The following C12orf54 variants were observed in gnomAD, a reference collection of about 807,000 sequenced individuals.
The protein encoded by C12orf54 is chromosome 12 open reading frame 54.
A neutral mutation model predicts 26.4 loss-of-function variants in C12orf54; 24 were observed. The ratio of observed to expected loss-of-function variants is 0.91; its 90% confidence interval spans 0.66 to 1.28. The LOEUF (loss-of-function observed/expected upper bound fraction) is 1.28, where lower values mean the gene tolerates loss of function less well. C12orf54 is among the 50% of genes most tolerant of loss of function. The pLI, the probability that C12orf54 is intolerant of heterozygous loss-of-function variation, is 0.00. For missense variants in C12orf54, 154 were observed against 150.9 expected (o/e 1.02, Z -0.11); for synonymous variants, 54 against 47.0 (o/e 1.15, Z -0.61).
the C12orf54 span, among the ~76,000 whole-genome samples, chr12:48,434,196 G>A: frequency 6.6e-6 from 1 of 152,196 alleles, no homozygotes; most frequent in African/African-American, 2.4e-5. Context: ...AAGCAGCAAA[G>A]CGGCAGCGAG....
the C12orf54 span, among the ~76,000 whole-genome samples, chr12:48,474,361 G>C: frequency 6.6e-6 from 1 of 152,174 alleles, no homozygotes; most frequent in Non-Finnish European, 1.5e-5. Context: ...GAGGTACTGG[G>C]TTCATCTCAC....
At chr12:48,480,745 A>G (rs1954190027), upstream of C12orf54, among the ~76,000 whole-genome samples, 1 of 151,786 alleles carries the variant, frequency 6.6e-6, no homozygotes, top group Admixed American at 6.7e-5. Flanking sequence ...TAACAAAAAG[A>G]CACATGTACT....
upstream of C12orf54, among the ~76,000 whole-genome samples, chr12:48,477,677 T>A (rs1206172467): frequency 6.6e-6 from 1 of 151,846 alleles, no homozygotes; most frequent in African/African-American, 2.4e-5. Flanking sequence ...GACACATACA[T>A]CCTCCCAAGA....
At chr12:48,490,580 G>A (rs957555462) in intron 5 of C12orf54, among the ~76,000 whole-genome samples, 20 of 152,180 alleles carry the variant, frequency 1.3e-4, no homozygotes, top group African/African-American at 4.8e-4. Flanking sequence ...TTGAACTTGG[G>A]AGGTGGAAGT....
At chr12:48,487,503 A>T (rs938938669) in intron 4 of C12orf54, among the ~76,000 whole-genome samples, 2 of 152,260 alleles carry the variant, frequency 1.3e-5, no homozygotes, top group African/African-American at 4.8e-5. Context: ...AATAATCTTA[A>T]TTACAATGCT....
At chr12:48,469,322 G>C in the C12orf54 span, among the ~76,000 whole-genome samples, 1 of 152,154 alleles carries the variant, frequency 6.6e-6, no homozygotes, top group Non-Finnish European at 1.5e-5. Flanking sequence ...CCCTGGGAAT[G>C]CCTTCGTTTT....
chr12:48,477,722 C>T (rs1350912501), upstream of C12orf54, among the ~76,000 whole-genome samples: 1 of 152,094 alleles, frequency 6.6e-6, no homozygotes, highest in Non-Finnish European at 1.5e-5. Context: ...CTGACTAGAC[C>T]AATAACAGGA....
At chr12:48,447,356 T>C in the C12orf54 span, among the ~76,000 whole-genome samples, 1 of 152,066 alleles carries the variant, frequency 6.6e-6, no homozygotes, top group African/African-American at 2.4e-5. Flanking sequence ...AGCATATAGA[T>C]TTATGTTGCT....
chr12:48,437,577 G>A, the C12orf54 span, among the ~76,000 whole-genome samples: 3 of 152,136 alleles, frequency 2.0e-5, no homozygotes, highest in Non-Finnish European at 4.4e-5. Context: ...TTCATGCCTC[G>A]GATGCAAGGC....
chr12:48,458,470 A>T, the C12orf54 span, among the ~76,000 whole-genome samples: 1 of 151,950 alleles, frequency 6.6e-6, no homozygotes, highest in African/African-American at 2.4e-5. Context: ...TTTAACAACC[A>T]CCTCTCTGTT....
the C12orf54 span, chr12:48,473,235 G>A: frequency 1.0e-4 from 115 of 1,150,862 alleles, no homozygotes; most frequent in Middle Eastern, 2.7e-3. Flanking sequence ...AGATGAGGAG[G>A]ACGAGGATGA....
At chr12:48,479,177 C>T (rs868090525), upstream of C12orf54, among the ~76,000 whole-genome samples, 13 of 152,256 alleles carry the variant, frequency 8.5e-5, no homozygotes, top group Middle Eastern at 3.4e-3. Context: ...GAATACTATG[C>T]AACCATAAAA....
chr12:48,437,400 G>A, the C12orf54 span, among the ~76,000 whole-genome samples: 6 of 152,118 alleles, frequency 3.9e-5, no homozygotes, highest in Admixed American at 6.5e-5. Context: ...AACTCATTTT[G>A]TGAGGCCAGC....
the C12orf54 span, among the ~76,000 whole-genome samples, chr12:48,462,309 C>T: frequency 6.6e-6 from 1 of 151,390 alleles, no homozygotes; most frequent in East Asian, 1.9e-4. Flanking sequence ...CTAATGACTT[C>T]CACATTTAAA....
the C12orf54 span, among the ~76,000 whole-genome samples, chr12:48,433,372 G>T: frequency 6.7e-6 from 1 of 149,690 alleles, no homozygotes. Flanking sequence ...CCTCTGGTGA[G>T]AACTTATCCT....
chr12:48,447,486 T>C, the C12orf54 span, among the ~76,000 whole-genome samples: 1 of 152,214 alleles, frequency 6.6e-6, no homozygotes, highest in East Asian at 1.9e-4. Context: ...ATTATTCTGC[T>C]TCCTCAGAAG....
chr12:48,473,217 G>A, the C12orf54 span: 3 of 1,237,792 alleles, frequency 2.4e-6, no homozygotes, highest in East Asian at 2.4e-5. Flanking sequence ...AGATGCTCAG[G>A]TAATGGAAGA....
chr12:48,485,953 C>G (rs1954256132), intron 2 of C12orf54, among the ~76,000 whole-genome samples: 1 of 152,086 alleles, frequency 6.6e-6, no homozygotes, highest in African/African-American at 2.4e-5. Flanking sequence ...CTTTAGAGTT[C>G]TCAAAGGGCT....
chr12:48,452,733 TG>T, the C12orf54 span, among the ~76,000 whole-genome samples: 2 of 152,040 alleles, frequency 1.3e-5, no homozygotes, highest in African/African-American at 4.8e-5. Flanking sequence ...ATACATGTGA[TG>T]AACAAACATA....
Sources: allele counts gnomAD v4.1 joint callset (sites outside exome capture counted in the v4.1 genomes callset), GRCh38; gene constraint gnomAD v4.1.1; transcripts MANE v1.5; gene names NCBI Gene and HGNC (gene_info 2026-07-23, HGNC 2026-07-21).